Variants in GPC5 observed in about 807,000 individuals in gnomAD.
The protein encoded by GPC5 is glypican-5.
In GPC5, 47 loss-of-function variants were observed where a neutral mutation model predicts 53.9. The observed-to-expected ratio is 0.87, with a 90% CI of 0.69 to 1.11. GPC5 has a LOEUF of 1.11. Ranked by LOEUF, GPC5 falls within the 50% of genes most tolerant of loss-of-function variation. The pLI is 0.00. For missense variants in GPC5, 748 were observed against 713.1 expected, an observed-to-expected ratio of 1.05 and a Z score of -0.56; for synonymous variants, 286 against 263.3, an observed-to-expected ratio of 1.09 and a Z score of -0.84.
chr13:92,000,028 G>T (rs1449767971), intron 6 of GPC5, among the ~76,000 whole-genome samples: 1 of 152,136 alleles, frequency 6.6e-6, no homozygotes, highest in Non-Finnish European at 1.5e-5. Context: ...ATTCTCAAGA[G>T]CTTGTATTCT....
intron 5 of GPC5, among the ~76,000 whole-genome samples, chr13:91,848,306 T>C (rs2038874833): frequency 6.6e-6 from 1 of 152,250 alleles, no homozygotes; most frequent in Non-Finnish European, 1.5e-5. Context: ...GTTGGTTTAT[T>C]TAATTATTGT....
intron 6 of GPC5, among the ~76,000 whole-genome samples, chr13:92,103,583 G>A (rs1332717973): frequency 6.6e-6 from 1 of 151,988 alleles, no homozygotes; most frequent in Non-Finnish European, 1.5e-5. Context: ...AGAACCCAAG[G>A]ACCAGAGTAT....
chr13:92,849,938 G>A (rs1878736713), intron 7 of GPC5, among the ~76,000 whole-genome samples: 1 of 152,064 alleles, frequency 6.6e-6, no homozygotes, highest in South Asian at 2.1e-4. Context: ...ACACTGACAT[G>A]AACTACACCA....
chr13:91,675,942 G>T (rs1443192098), intron 2 of GPC5, among the ~76,000 whole-genome samples: 1 of 152,094 alleles, frequency 6.6e-6, no homozygotes, highest in African/African-American at 2.4e-5. Flanking sequence ...GAAATGTCAG[G>T]GTCAGGTTTT....
intron 2 of GPC5, among the ~76,000 whole-genome samples, chr13:91,514,596 A>T (rs946878737): frequency 5.3e-5 from 8 of 152,054 alleles, no homozygotes; most frequent in Admixed American, 1.3e-4. Context: ...CAACAATTAT[A>T]AAAAAAATCC....
intron 7 of GPC5, among the ~76,000 whole-genome samples, chr13:92,433,834 T>C (rs972079968): frequency 1.3e-5 from 2 of 152,150 alleles, no homozygotes. Flanking sequence ...CGGTGACACC[T>C]ACCTCTAGGT....
chr13:91,717,173 A>T (rs2036356694), intron 3 of GPC5, among the ~76,000 whole-genome samples: 1 of 152,198 alleles, frequency 6.6e-6, no homozygotes, highest in Non-Finnish European at 1.5e-5. Flanking sequence ...AAAAGTAGAG[A>T]CTGAAAAGTA....
chr13:92,566,871 T>C (rs550502653), intron 7 of GPC5, among the ~76,000 whole-genome samples: 1 of 152,270 alleles, frequency 6.6e-6, no homozygotes, highest in Admixed American at 6.5e-5. Flanking sequence ...TTTGTCAAAC[T>C]TATTCTATTT....
At chr13:91,744,426 T>G (rs965651747) in intron 4 of GPC5, among the ~76,000 whole-genome samples, 1 of 152,152 alleles carries the variant, frequency 6.6e-6, no homozygotes, top group African/African-American at 2.4e-5. Flanking sequence ...ATTTATAGAT[T>G]TCCTAGTGCT....
intron 7 of GPC5, among the ~76,000 whole-genome samples, chr13:92,699,057 G>A (rs1887647057): frequency 6.6e-6 from 1 of 152,010 alleles, no homozygotes; most frequent in Non-Finnish European, 1.5e-5. Flanking sequence ...TCTGGTCCTA[G>A]ACTTTTTTTT....
At chr13:92,478,659 G>A (rs1879237695) in intron 7 of GPC5, among the ~76,000 whole-genome samples, 1 of 152,016 alleles carries the variant, frequency 6.6e-6, no homozygotes, top group South Asian at 2.1e-4. Flanking sequence ...AAGATAAAAA[G>A]GTAAAAATCA....
chr13:91,751,532 C>T (rs1449466656), intron 4 of GPC5, among the ~76,000 whole-genome samples: 1 of 152,172 alleles, frequency 6.6e-6, no homozygotes, highest in Non-Finnish European at 1.5e-5. Context: ...TGCCAGTCAT[C>T]GTGCTAGAGG....
At chr13:92,307,801 C>A (rs1222584518) in intron 7 of GPC5, among the ~76,000 whole-genome samples, 1 of 152,154 alleles carries the variant, frequency 6.6e-6, no homozygotes, top group Non-Finnish European at 1.5e-5. Context: ...AAATAATATC[C>A]TCAAATTATA....
intron 6 of GPC5, among the ~76,000 whole-genome samples, chr13:92,106,358 A>G (rs182138286): frequency 6.6e-6 from 1 of 151,622 alleles, no homozygotes. Context: ...TTTGAAAAAT[A>G]TAAGAATCTC....
chr13:91,618,765 G>A (rs557731466), intron 2 of GPC5, among the ~76,000 whole-genome samples: 3 of 152,008 alleles, frequency 2.0e-5, no homozygotes, highest in South Asian at 4.1e-4. Flanking sequence ...TGTGGCACTG[G>A]GCAAATGATT....
intron 2 of GPC5, among the ~76,000 whole-genome samples, chr13:91,584,248 C>T (rs114491546): frequency 3.3e-5 from 5 of 151,736 alleles, no homozygotes; most frequent in Non-Finnish European, 5.9e-5. Context: ...TTTTTTTTTG[C>T]GAAGTTACAG....
intron 7 of GPC5, among the ~76,000 whole-genome samples, chr13:92,286,435 T>C (rs8000742): frequency 1.2e-4 from 19 of 152,048 alleles, no homozygotes; most frequent in Admixed American, 7.2e-4. Context: ...CACATGCCCA[T>C]GTATGTTTAT....
At chr13:92,597,157 A>C (rs1015692741) in intron 7 of GPC5, among the ~76,000 whole-genome samples, 2 of 152,196 alleles carry the variant, frequency 1.3e-5, no homozygotes, top group African/African-American at 4.8e-5. Context: ...TCACTCTTTT[A>C]ATGCTTTCAG....
chr13:91,929,668 T>C (rs2039802875), intron 6 of GPC5, among the ~76,000 whole-genome samples: 1 of 152,136 alleles, frequency 6.6e-6, no homozygotes, highest in Non-Finnish European at 1.5e-5. Flanking sequence ...TTGGTTGTCA[T>C]TTTAATGGGT....
Sources: allele counts gnomAD v4.1 joint callset (sites outside exome capture counted in the v4.1 genomes callset), GRCh38; gene constraint gnomAD v4.1.1; transcripts MANE v1.5; gene names NCBI Gene and HGNC (gene_info 2026-07-23, HGNC 2026-07-21).